Variants in LTBP1 observed in about 807,000 individuals in gnomAD.
LTBP1 encodes the protein latent transforming growth factor beta binding protein 1.
Under a neutral mutation model 207.6 loss-of-function variants are expected in LTBP1, and 129 were observed. The ratio of observed to expected loss-of-function variants is 0.62; its 90% CI spans 0.54 to 0.72. The LOEUF is 0.72. Among genes scored for constraint, LTBP1 ranks in the 30% least tolerant of loss-of-function variants. LTBP1 has a pLI of 0.00. For missense variants in LTBP1, 2,281 were observed against 2,217.2 expected, an observed-to-expected ratio of 1.03 and a Z score of -0.58; for synonymous variants, 963 against 833.7, an observed-to-expected ratio of 1.16 and a Z score of -2.67.
chr2:33,364,354 A>G lies in LTBP1; in HGVS notation c.4538A>G (p.Asn1513Ser), dbSNP rs139267139. ...EKRCIRPAESNEQIEETDVYQ... is the reference protein window; with the variant it reads ...EKRCIRPAESSEQIEETDVYQ... ...AGATGTATACGACCGGCTGAGTCAAACGGTATGTTTCCAGGAGATGCAAAC... is the reference window on the plus strand; with the variant it reads ...AGATGTATACGACCGGCTGAGTCAAGCGGTATGTTTCCAGGAGATGCAAAC... Residue 1513 changes from asparagine (N) to serine (S), a missense_variant and splice_region_variant, in exon 30 of 34, where the codon AAC becomes AGC. This residue lies in a region of LTBP1 where 1,671 missense variants were observed against 1,634.8 expected (regional missense o/e 1.02). Coordinates refer to ENST00000404816, the MANE Select transcript of LTBP1 (RefSeq NM_206943.4). 6.0e-5 allele frequency: 96 copies of G among 1,612,794 alleles called. No homozygotes were observed. The African/African-American group carries it at 1.1e-3, about 18-fold the overall frequency.
At position 33,210,972 on chromosome 2, in the gene LTBP1, C is replaced by G. The variant is rs141902173; in HGVS notation, c.1702-6580C>G. 1.8e-4 allele frequency among the ~76,000 whole-genome samples: 27 copies of G among 152,246 alleles called. No individual in the cohort carries two copies. The South Asian group carries it at 2.1e-3, about 12-fold the overall frequency. On this transcript the variant is annotated intron_variant, in intron 7 of 33. Transcript: ENST00000404816. ...CAGTCTCTACAAGTATTTTTTGAAA[C>G]CTGTATCACTTTAACGTTTTGGGTT...
intron 9 of LTBP1, among the ~76,000 whole-genome samples, chr2:33,230,969 T>C (rs767322128): frequency 5.3e-5 from 8 of 152,164 alleles, no homozygotes; most frequent in South Asian, 2.1e-4. Flanking sequence ...TATAATTCAG[T>C]GTATGTATAT....
At chr2:32,973,294 A>G (rs558875446) in intron 2 of LTBP1, among the ~76,000 whole-genome samples, 3 of 152,236 alleles carry the variant, frequency 2.0e-5, no homozygotes, top group Admixed American at 6.5e-5. Context: ...TAGGTCTCCA[A>G]TAACTTGTTT....
chr2:33,049,555 A>G (rs954125272), intron 3 of LTBP1, among the ~76,000 whole-genome samples: 9 of 152,228 alleles, frequency 5.9e-5, no homozygotes, highest in Admixed American at 2.6e-4. Context: ...AACCCATTCA[A>G]TCATGCCGCA....
intron 24 of LTBP1, among the ~76,000 whole-genome samples, chr2:33,325,872 C>T (rs146452649): frequency 1.3e-5 from 2 of 152,118 alleles, no homozygotes; most frequent in African/African-American, 4.8e-5. Context: ...GGGCTTTCTT[C>T]TTTTTTTCCT....
At chr2:33,272,589 C>T (rs817530) in intron 15 of LTBP1, among the ~76,000 whole-genome samples, 118,894 of 152,220 alleles carry the variant, frequency 0.78, 46,996 homozygotes, top group African/African-American at 0.86. Flanking sequence ...TTATTTAGAG[C>T]ATCTCTTTCA....
chr2:33,333,796 G>GTTCA, intron 24 of LTBP1, among the ~76,000 whole-genome samples: 1 of 152,230 alleles, frequency 6.6e-6, no homozygotes, highest in East Asian at 1.9e-4. Flanking sequence ...GATAAAAACT[G>GTTCA]GAAGTCATCA....
chr2:33,347,201 C>G (rs1403858526), intron 25 of LTBP1, among the ~76,000 whole-genome samples, 166 bp from the exon 26 acceptor site: 1 of 151,716 alleles, frequency 6.6e-6, no homozygotes, highest in Non-Finnish European at 1.5e-5. Flanking sequence ...AATCTGACAG[C>G]TCTACCTTAA....
chr2:33,042,466 T>C (rs2076237638), intron 3 of LTBP1, among the ~76,000 whole-genome samples: 1 of 152,096 alleles, frequency 6.6e-6, no homozygotes, highest in South Asian at 2.1e-4. Context: ...GCCAAAAAGC[T>C]CAGGAGGGAC....
intron 3 of LTBP1, among the ~76,000 whole-genome samples, chr2:33,079,402 G>C (rs567323672): frequency 2.0e-5 from 3 of 152,218 alleles, no homozygotes; most frequent in African/African-American, 7.2e-5. Context: ...CCAGCAGATG[G>C]GATATAGCAA....
At chr2:33,297,504 G>T (rs564347150) in intron 20 of LTBP1, among the ~76,000 whole-genome samples, 247 of 151,556 alleles carry the variant, frequency 1.6e-3, no homozygotes, top group African/African-American at 5.3e-3. Context: ...CGATCTCGGC[G>T]CACTGCAACC....
intron 2 of LTBP1, among the ~76,000 whole-genome samples, chr2:32,974,616 A>G (rs543002453): frequency 1.1e-4 from 17 of 152,082 alleles, no homozygotes; most frequent in Admixed American, 7.9e-4. Flanking sequence ...TTGGTTGTTT[A>G]TGCTTTTAGG....
At chr2:32,948,772 T>G (rs2148186144) in intron 1 of LTBP1, 103 bp from the exon 2 acceptor site, 1 of 1,073,740 alleles carries the variant, frequency 9.3e-7, no homozygotes, top group Non-Finnish European at 1.4e-6. Context: ...ATCCAGAGGG[T>G]TGCAGAAGCT....
chr2:33,115,219 C>G (rs1016625857), intron 4 of LTBP1, among the ~76,000 whole-genome samples: 1 of 151,934 alleles, frequency 6.6e-6, no homozygotes, highest in Non-Finnish European at 1.5e-5. Flanking sequence ...TGAAAACAAG[C>G]CAAGTGAAAG....
At chr2:33,363,293 T>C in intron 28 of LTBP1, 97 bp from the exon 29 acceptor site, 1 of 1,191,268 alleles carries the variant, frequency 8.4e-7, no homozygotes, top group Non-Finnish European at 1.2e-6. Context: ...GTAAATATTA[T>C]AATATCTAAC....
chr2:33,066,547 G>A (rs2077520494), intron 3 of LTBP1, among the ~76,000 whole-genome samples: 2 of 152,096 alleles, frequency 1.3e-5, no homozygotes, highest in Non-Finnish European at 2.9e-5. Context: ...AGTGGAGTAT[G>A]GATTATTTTG....
intron 5 of LTBP1, among the ~76,000 whole-genome samples, chr2:33,136,584 A>T (rs1420179940): frequency 1.3e-5 from 2 of 152,112 alleles, no homozygotes; most frequent in Non-Finnish European, 2.9e-5. Flanking sequence ...GCTTTTCACC[A>T]CTTTATCTTT....
intron 3 of LTBP1, among the ~76,000 whole-genome samples, chr2:33,080,202 T>C (rs2078314837): frequency 1.3e-5 from 2 of 152,066 alleles, no homozygotes; most frequent in South Asian, 4.1e-4. Flanking sequence ...AATTTTTCTA[T>C]GTTTAGTTGA....
At chr2:33,105,492 A>G (rs1241839390) in intron 3 of LTBP1, among the ~76,000 whole-genome samples, 1 of 150,356 alleles carries the variant, frequency 6.7e-6, no homozygotes, top group Admixed American at 6.6e-5. Flanking sequence ...GCTGGAGTGC[A>G]TTGGCATGAT....
Sources: allele counts gnomAD v4.1 joint callset (sites outside exome capture counted in the v4.1 genomes callset), GRCh38; gene constraint gnomAD v4.1.1; regional missense constraint gnomAD v4.1.1; transcripts MANE v1.5; gene names NCBI Gene and HGNC (gene_info 2026-07-23, HGNC 2026-07-21).